HMGCLL1: variants seen among roughly 807,000 people sequenced by gnomAD.
HMGCLL1 encodes 3-hydroxy-3-methylglutaryl-CoA lyase like 1.
In HMGCLL1, 36 loss-of-function variants were observed where a neutral mutation model predicts 39.1. The observed-to-expected ratio is 0.92, with a 90% confidence interval of 0.71 to 1.22. The LOEUF (loss-of-function observed/expected upper bound fraction) is 1.22, where lower values mean the gene tolerates loss of function less well. Among genes scored for constraint, HMGCLL1 ranks in the 50% most tolerant of loss-of-function variants. The pLI, the probability that HMGCLL1 is intolerant of heterozygous loss-of-function variation, is 0.00. For synonymous variants in HMGCLL1, 149 were observed against 144.0 expected (o/e 1.03, Z -0.25); for missense variants, 451 against 416.5 (o/e 1.08, Z -0.72).
chr6:55,645,118 C>CT, the HMGCLL1 span, among the ~76,000 whole-genome samples: 3 of 151,752 alleles, frequency 2.0e-5, no homozygotes, highest in Admixed American at 1.3e-4. Flanking sequence ...ACTTTTACTT[C>CT]TTTTTTTAAG....
At chr6:55,627,839 T>A in the HMGCLL1 span, among the ~76,000 whole-genome samples, 1 of 119,198 alleles carries the variant, frequency 8.4e-6, no homozygotes, top group East Asian at 2.3e-4. Flanking sequence ...CAGCTTATTG[T>A]GGGACCTTGT....
intron 5 of HMGCLL1, among the ~76,000 whole-genome samples, chr6:55,511,103 A>G (rs1404904909): frequency 6.6e-6 from 1 of 152,064 alleles, no homozygotes; most frequent in African/African-American, 2.4e-5. Context: ...AATACCATTG[A>G]TAAAAGGAAA....
intron 7 of HMGCLL1, among the ~76,000 whole-genome samples, chr6:55,494,943 C>G (rs915621303): frequency 6.6e-6 from 1 of 152,124 alleles, no homozygotes; most frequent in Non-Finnish European, 1.5e-5. Context: ...CAAAAGTAAG[C>G]TTGCCAACCT....
At chr6:55,498,813 G>A (rs1766718956) in intron 6 of HMGCLL1, among the ~76,000 whole-genome samples, 1 of 152,036 alleles carries the variant, frequency 6.6e-6, no homozygotes, top group Non-Finnish European at 1.5e-5. Context: ...GAACACAAAA[G>A]TAGTGTATAT....
intron 3 of HMGCLL1, among the ~76,000 whole-genome samples, chr6:55,535,072 G>A (rs1420933943): frequency 6.6e-6 from 1 of 152,160 alleles, no homozygotes; most frequent in Non-Finnish European, 1.5e-5. Flanking sequence ...TGTGGATCTA[G>A]CTCTCAGAGC....
At chr6:55,458,845 G>C (rs527511377) in intron 7 of HMGCLL1, among the ~76,000 whole-genome samples, 1 of 152,084 alleles carries the variant, frequency 6.6e-6, no homozygotes, top group Admixed American at 6.6e-5. Flanking sequence ...ACACTGTTTT[G>C]GATGAGTAAA....
At chr6:55,651,296 G>T in the HMGCLL1 span, among the ~76,000 whole-genome samples, 3 of 152,052 alleles carry the variant, frequency 2.0e-5, no homozygotes, top group East Asian at 3.9e-4. Flanking sequence ...ACGAAGTGCA[G>T]CTCCAGTAGT....
intron 3 of HMGCLL1, among the ~76,000 whole-genome samples, chr6:55,522,148 A>G (rs1561934769): frequency 6.6e-6 from 1 of 151,896 alleles, no homozygotes; most frequent in Non-Finnish European, 1.5e-5. Context: ...TATTATTGAT[A>G]TATTATTTAT....
At position 55,514,181 on chromosome 6, in the gene HMGCLL1, T is replaced by C. The variant is rs925721886; in HGVS notation, c.409A>G (p.Thr137Ala). The C allele has an allele frequency of 2.0e-5, 32 of 1,607,926 alleles. No homozygotes were observed. The highest frequency in any genetic ancestry group is 2.7e-5 in the Non-Finnish European group (32 of 1,178,056). The change falls in exon 5 of 9, where the codon ACT becomes GCT. Residue 137 changes from threonine (T) to alanine (A), a missense_variant. Coordinates refer to ENST00000274901, the MANE Select transcript of HMGCLL1 (RefSeq NM_001042406.2). ...GFHHAVAAGA[T>A]EISVFGAASE... is the part of the protein sequence containing the mutation. ...GCAGCTCCAAAAACTGATATCTCAGTAGCTCCAGCAGCAACCTGAAAAATA... is the reference window on the plus strand; with the variant it reads ...GCAGCTCCAAAAACTGATATCTCAGCAGCTCCAGCAGCAACCTGAAAAATA...
At chr6:55,619,113 G>A in the HMGCLL1 span, among the ~76,000 whole-genome samples, 1 of 150,408 alleles carries the variant, frequency 6.6e-6, no homozygotes, top group South Asian at 2.2e-4. Context: ...ACTGGGGTGG[G>A]AAGAGGGAGA....
the HMGCLL1 span, among the ~76,000 whole-genome samples, chr6:55,636,207 A>G: frequency 0.055 from 8,307 of 152,256 alleles, 390 homozygotes; most frequent in Non-Finnish European, 0.077. Flanking sequence ...TTAAGGAATG[A>G]TTAAAAACAT....
Position 55,516,590 on chromosome 6 carries a change from G to A in HMGCLL1, c.311C>T (p.Thr104Ile). The change falls in exon 4 of 9, where the codon ACT becomes ATT. Residue 104 changes from threonine (T) to isoleucine (I), a missense_variant. Physicochemically the swap from Thr to Ile is moderately conservative, Grantham distance 89. Coordinates refer to ENST00000274901, the MANE Select transcript of HMGCLL1 (RefSeq NM_001042406.2). ...TTGATGAATGCCTTTCATTACTTCA[G>A]TGTGATCAGCCATCTTAAATACATA... Reference protein sequence around the residue: ...SRWVPQMADHTEVMKGIHQYP... With the variant: ...SRWVPQMADHIEVMKGIHQYP... 6.3e-7 allele frequency: 1 copy of A among 1,593,048 alleles called. No homozygotes were observed. Among genetic ancestry groups the A allele is most frequent in the African/African-American group, 1.3e-5 (1 of 74,806 alleles).
At chr6:55,507,372 G>A (rs971017897) in intron 5 of HMGCLL1, among the ~76,000 whole-genome samples, 1 of 151,612 alleles carries the variant, frequency 6.6e-6, no homozygotes, top group African/African-American at 2.4e-5. Flanking sequence ...AGTATCCTTT[G>A]GGACAATTCT....
chr6:55,648,307 T>A, the HMGCLL1 span, among the ~76,000 whole-genome samples: 3 of 151,348 alleles, frequency 2.0e-5, no homozygotes, highest in Middle Eastern at 3.4e-3. Flanking sequence ...TTAAAAGAAC[T>A]AGAAAAGCAA....
chr6:55,473,797 G>A (rs761768699), intron 7 of HMGCLL1, among the ~76,000 whole-genome samples: 1 of 151,284 alleles, frequency 6.6e-6, no homozygotes, highest in Admixed American at 6.6e-5. Flanking sequence ...CAGATATATT[G>A]ATGGAATCCT....
chr6:55,504,689 T>C (rs1296361666), intron 5 of HMGCLL1, among the ~76,000 whole-genome samples: 2 of 151,570 alleles, frequency 1.3e-5, no homozygotes, highest in African/African-American at 4.8e-5. Context: ...TTAAAAATAT[T>C]TTTGATTCAT....
chr6:55,645,657 G>A, the HMGCLL1 span, among the ~76,000 whole-genome samples: 1 of 151,858 alleles, frequency 6.6e-6, no homozygotes, highest in African/African-American at 2.4e-5. Flanking sequence ...TGAAATGATT[G>A]TATGGTTTTT....
chr6:55,624,720 G>C, the HMGCLL1 span, among the ~76,000 whole-genome samples: 15 of 152,136 alleles, frequency 9.9e-5, no homozygotes, highest in Non-Finnish European at 1.5e-4. Context: ...TTCTACCTCA[G>C]TCAAATTTCT....
At chr6:55,493,316 A>C (rs1181979996) in intron 7 of HMGCLL1, among the ~76,000 whole-genome samples, 1 of 152,048 alleles carries the variant, frequency 6.6e-6, no homozygotes, top group Non-Finnish European at 1.5e-5. Flanking sequence ...CTCTCCCTTT[A>C]TGGGATGGAT....
Sources: allele counts gnomAD v4.1 joint callset (sites outside exome capture counted in the v4.1 genomes callset), GRCh38; gene constraint gnomAD v4.1.1; transcripts MANE v1.5; gene names NCBI Gene and HGNC (gene_info 2026-07-23, HGNC 2026-07-21).